Variants in LHX8 observed in about 807,000 individuals in gnomAD.
LHX8 encodes the protein LIM/homeobox protein Lhx8.
Under a neutral mutation model 40.3 loss-of-function variants are expected in LHX8, and 12 were observed. The ratio of observed to expected loss-of-function variants is 0.30; its 90% confidence interval spans 0.19 to 0.48. The LOEUF (loss-of-function observed/expected upper bound fraction) is 0.48, where lower values mean the gene tolerates loss of function less well. Ranked by LOEUF, LHX8 falls within the 20% of genes least tolerant of loss-of-function variation. The pLI is 0.99. For missense variants in LHX8, 344 were observed against 433.7 expected (o/e 0.79, Z 1.84); for synonymous variants, 179 against 162.0 (o/e 1.10, Z -0.80).
chr1:75,140,168 G>T (rs1398415031), intron 3 of LHX8, among the ~76,000 whole-genome samples: 2 of 152,168 alleles, frequency 1.3e-5, no homozygotes, highest in African/African-American at 4.8e-5. Context: ...ATTATGACTT[G>T]TTCCCTGGAT....
Position 75,134,929 on chromosome 1 carries a change from C to T in LHX8, c.-38C>T, listed in dbSNP as rs976748123. Reference sequence around the variant, plus strand: ...GACTGTAATTTGGGAGATGAAGCCTCGAGCCTAAGGCGCTCTCAGGTCCAT... The same window carrying T: ...GACTGTAATTTGGGAGATGAAGCCTTGAGCCTAAGGCGCTCTCAGGTCCAT... On this transcript the variant is annotated 5_prime_UTR_variant, in exon 1 of 9. It introduces an in-frame stop codon into an upstream open reading frame of the 5' UTR. Transcript: ENST00000356261. 3 of 985,352 alleles carry T rather than the reference C, an allele frequency of 3.0e-6. No individual in the cohort carries two copies. The highest frequency in any genetic ancestry group is 4.7e-5 in the South Asian group (1 of 21,272). The allele number at this position is 985,352 out of a possible 1,614,324, so 61.0% of individuals were successfully genotyped here. A position where few individuals can be genotyped will look rare whatever the true frequency, so the allele number is the denominator to read the frequency against.
At chr1:75,157,779 C>T (rs751195099) in intron 8 of LHX8, among the ~76,000 whole-genome samples, 1 of 152,188 alleles carries the variant, frequency 6.6e-6, no homozygotes, top group African/African-American at 2.4e-5. Flanking sequence ...TAGAAATCCA[C>T]TGTAGGAATA....
chr1:75,130,564 C>T, upstream of LHX8: 1 of 783,190 alleles, frequency 1.3e-6, no homozygotes, highest in South Asian at 1.4e-5. Context: ...CAGACGGAGG[C>T]CCTCGCCCGC....
downstream of LHX8, among the ~76,000 whole-genome samples, chr1:75,165,247 C>T (rs1159556981): frequency 6.6e-6 from 1 of 152,134 alleles, no homozygotes; most frequent in South Asian, 2.1e-4. Flanking sequence ...TGCTCTCATT[C>T]AACAGATGAG....
At chr1:75,197,136 T>C in the LHX8 span, among the ~76,000 whole-genome samples, 9 of 152,240 alleles carry the variant, frequency 5.9e-5, no homozygotes, top group African/African-American at 2.2e-4. Context: ...TATGAAATAA[T>C]TTAATTTTAA....
chr1:75,156,318 T>C (rs1222239403), intron 7 of LHX8, among the ~76,000 whole-genome samples: 1 of 152,130 alleles, frequency 6.6e-6, no homozygotes, highest in Non-Finnish European at 1.5e-5. Flanking sequence ...CTGAGCTCAC[T>C]GCAACCTCTG....
At chr1:75,179,356 T>A in the LHX8 span, among the ~76,000 whole-genome samples, 1 of 152,124 alleles carries the variant, frequency 6.6e-6, no homozygotes, top group Non-Finnish European at 1.5e-5. Context: ...CTGGGTGCTC[T>A]TGTATTGGGT....
chr1:75,164,758 C>T (rs1173720936), downstream of LHX8, among the ~76,000 whole-genome samples: 6 of 147,618 alleles, frequency 4.1e-5, no homozygotes, highest in Non-Finnish European at 7.4e-5. Context: ...GGCAGAGCCT[C>T]GCTGTGTTCC....
At chr1:75,192,823 G>T in the LHX8 span, among the ~76,000 whole-genome samples, 1 of 151,966 alleles carries the variant, frequency 6.6e-6, no homozygotes, top group African/African-American at 2.4e-5. Flanking sequence ...CTCCTGAGTA[G>T]CTGGGATTAC....
chr1:75,150,407 G>T (rs1035006401), intron 7 of LHX8, among the ~76,000 whole-genome samples: 2 of 152,168 alleles, frequency 1.3e-5, no homozygotes, highest in Non-Finnish European at 2.9e-5. Context: ...TTGAAAGAAT[G>T]AACAGGACTC....
At chr1:75,197,534 T>G in the LHX8 span, among the ~76,000 whole-genome samples, 1 of 152,216 alleles carries the variant, frequency 6.6e-6, no homozygotes, top group Admixed American at 6.5e-5. Flanking sequence ...GTTGTTTAAA[T>G]AACATGATAT....
chr1:75,164,744 T>C (rs1420233266), downstream of LHX8, among the ~76,000 whole-genome samples: 7 of 151,042 alleles, frequency 4.6e-5, no homozygotes, highest in Admixed American at 3.3e-4. Flanking sequence ...TTTTTTTTTT[T>C]CCAGGCAGAG....
chr1:75,190,755 T>C, the LHX8 span, among the ~76,000 whole-genome samples: 2 of 152,328 alleles, frequency 1.3e-5, no homozygotes, highest in South Asian at 4.1e-4. Context: ...TGGAACTTTT[T>C]CTTAGAGATA....
the LHX8 span, among the ~76,000 whole-genome samples, chr1:75,178,748 C>A: frequency 2.0e-5 from 3 of 152,128 alleles, no homozygotes; most frequent in Non-Finnish European, 4.4e-5. Context: ...TTCTCTAGTT[C>A]TTTTAATTGT....
chr1:75,188,911 T>C, the LHX8 span, among the ~76,000 whole-genome samples: 1 of 152,234 alleles, frequency 6.6e-6, no homozygotes, highest in African/African-American at 2.4e-5. Context: ...CTATGGACAC[T>C]GCCTGTTCTG....
chr1:75,130,353 A>C, upstream of LHX8: 1 of 366,358 alleles, frequency 2.7e-6, no homozygotes. Context: ...GCTTTCCGCT[A>C]TTGGTCCTCC....
upstream of LHX8, chr1:75,130,986 T>C: frequency 7.0e-6 from 4 of 574,500 alleles, no homozygotes; most frequent in South Asian, 1.9e-5. Context: ...CTCCACCGCC[T>C]CCTACAGTCC....
chr1:75,197,439 T>A, the LHX8 span, among the ~76,000 whole-genome samples: 1 of 152,174 alleles, frequency 6.6e-6, no homozygotes, highest in South Asian at 2.1e-4. Flanking sequence ...AATTTAAATT[T>A]GATTTCTCTT....
the LHX8 span, among the ~76,000 whole-genome samples, chr1:75,180,137 T>A: frequency 6.6e-6 from 1 of 152,148 alleles, no homozygotes; most frequent in Non-Finnish European, 1.5e-5. Context: ...TTCCTTCATT[T>A]CAACCTTGGT....
Sources: gnomAD v4.1 joint callset for allele counts (sites outside exome capture counted in the v4.1 genomes callset) on GRCh38, gnomAD v4.1.1 for gene constraint, MANE v1.5 for transcripts, NCBI Gene and HGNC (gene_info 2026-07-23, HGNC 2026-07-21) for gene names.